Variants in LMX1B observed in about 807,000 individuals in gnomAD.
LMX1B encodes LIM homeobox transcription factor 1 beta, also known as LIM homeobox transcription factor 1-beta.
LMX1B carries 12 observed loss-of-function variants against 51.4 expected under a neutral mutation model. That is an observed-to-expected ratio of 0.23 (90% CI 0.15 to 0.38). The LOEUF (loss-of-function observed/expected upper bound fraction) is 0.38, where lower values mean the gene tolerates loss of function less well. Among genes scored for constraint, LMX1B ranks in the 10% least tolerant of loss-of-function variants. The pLI, the probability that LMX1B is intolerant of heterozygous loss-of-function variation, is 1.00. For missense variants in LMX1B, 445 were observed against 571.1 expected (o/e 0.78, Z 2.25); for synonymous variants, 237 against 235.4 (o/e 1.01, Z -0.06).
intron 2 of LMX1B, among the ~76,000 whole-genome samples, chr9:126,638,563 C>T (rs1835755588): frequency 2.6e-5 from 4 of 152,138 alleles, no homozygotes; most frequent in Admixed American, 2.0e-4. Flanking sequence ...GGGCTGACAG[C>T]GGAGCGAGTG....
intron 4 of LMX1B, 44 bp from the exon 5 acceptor site, chr9:126,693,480 G>A (rs1471994693): frequency 3.1e-6 from 5 of 1,602,614 alleles, no homozygotes; most frequent in Non-Finnish European, 4.3e-6. Context: ...TCTCCCCGTT[G>A]CTGCCCCTGG....
chr9:126,671,514 A>C lies in LMX1B; in HGVS notation c.327-19322A>C, dbSNP rs78119880. On this transcript the variant is annotated intron_variant, in intron 2 of 7. Transcript: ENST00000373474. The surrounding 1 kb of genome is among the most constrained non-coding windows in gnomAD (Gnocchi z 4.4). ...GCCGCAGTAATCGCAGGCTGATTCCAACTAATTAAATCCTGCGCCAAGAGC... is the reference window on the plus strand; with the variant it reads ...GCCGCAGTAATCGCAGGCTGATTCCCACTAATTAAATCCTGCGCCAAGAGC... 0.089 allele frequency among the ~76,000 whole-genome samples: 13,610 copies of C among 152,098 alleles called. 759 individuals carry two copies. The highest frequency in any genetic ancestry group is 0.18 in the South Asian group (849 of 4,818).
chr9:126,639,704 G>A (rs921827639), intron 2 of LMX1B, among the ~76,000 whole-genome samples: 1 of 152,244 alleles, frequency 6.6e-6, no homozygotes, highest in South Asian at 2.1e-4. Context: ...GGGGAGGGGG[G>A]CAGAGGAGGG....
chr9:126,617,905 T>TGGGGGTGGGGGGTG (rs201293683), intron 2 of LMX1B, among the ~76,000 whole-genome samples: 10 of 82,266 alleles, frequency 1.2e-4, no homozygotes, highest in East Asian at 4.4e-4. Flanking sequence ...CAGGATGTGC[T>TGGGGGTGGGGGGTG]GGGGGTGGGG....
At chr9:126,617,665 A>C (rs1030458228) in intron 2 of LMX1B, among the ~76,000 whole-genome samples, 7 of 152,040 alleles carry the variant, frequency 4.6e-5, no homozygotes, top group Non-Finnish European at 1.0e-4. Context: ...TTTTAAAAAG[A>C]AAAGGAAAGA....
At chr9:126,684,667 G>A (rs1836740233) in intron 2 of LMX1B, among the ~76,000 whole-genome samples, 1 of 152,162 alleles carries the variant, frequency 6.6e-6, no homozygotes, top group African/African-American at 2.4e-5. Context: ...CAGAGGGTCT[G>A]GTTGGCTCCC....
chr9:126,696,472 C>T lies in LMX1B; in HGVS notation c.*21C>T, dbSNP rs369706326. 4.8e-5 allele frequency: 78 copies of T among 1,613,502 alleles called. No homozygotes were observed. Among genetic ancestry groups the T allele is most frequent in the African/African-American group, 3.6e-4 (27 of 75,044 alleles). ...CCTGAGAGCCAGCCAGGCGCACGGA[C>T]GCTTGGGCAGGGGCCTGGGGGGGAC... On this transcript the variant is annotated 3_prime_UTR_variant, in exon 8 of 8. Coordinates refer to ENST00000373474, the MANE Select transcript of LMX1B (RefSeq NM_001174147.2).
intron 2 of LMX1B, among the ~76,000 whole-genome samples, chr9:126,633,707 G>A (rs942315225): frequency 2.6e-5 from 4 of 152,214 alleles, no homozygotes; most frequent in African/African-American, 9.6e-5. Flanking sequence ...ACCCACTCCT[G>A]ACATGGTTAT....
At chr9:126,657,799 G>A (rs1456963091) in intron 2 of LMX1B, among the ~76,000 whole-genome samples, 1 of 152,210 alleles carries the variant, frequency 6.6e-6, no homozygotes, top group Non-Finnish European at 1.5e-5. Context: ...GAACCGCAGG[G>A]AGCTCCCAGT....
chr9:126,646,148 C>T (rs773202672), intron 2 of LMX1B, among the ~76,000 whole-genome samples: 3 of 152,176 alleles, frequency 2.0e-5, no homozygotes, highest in African/African-American at 7.2e-5. Context: ...AAACTCTGTT[C>T]CTCCTCTCAG....
At chr9:126,659,983 G>A (rs10987389) in intron 2 of LMX1B, among the ~76,000 whole-genome samples, 2,189 of 78,970 alleles carry the variant, frequency 0.028, 128 homozygotes, top group Non-Finnish European at 0.032. Context: ...TTCAAAGGTT[G>A]TCCTGTGTGT....
At chr9:126,660,144 C>G in intron 2 of LMX1B, among the ~76,000 whole-genome samples, 1 of 149,680 alleles carries the variant, frequency 6.7e-6, no homozygotes, top group Non-Finnish European at 1.5e-5. Flanking sequence ...GTGGGGATGT[C>G]TACACTGGCC....
intron 2 of LMX1B, among the ~76,000 whole-genome samples, chr9:126,656,046 G>A (rs1043492521): frequency 3.3e-5 from 5 of 152,206 alleles, no homozygotes; most frequent in African/African-American, 1.2e-4. Flanking sequence ...TGAAGTAGAG[G>A]ATTAAATTGA....
rs1835540765 is a variant in LMX1B at position 126,626,745 on chromosome 9, A to C, written c.326+11176A>C. Among the ~76,000 whole-genome samples the C allele has an allele frequency of 6.6e-6, 1 of 152,230 alleles. No individual in the cohort carries two copies. The highest frequency in any genetic ancestry group is 1.5e-5 in the Non-Finnish European group (1 of 68,044). ...AGGAGCAAGGAGGCGGCGGCGGAGC[A>C]AACTCTGCGGATTAGGTTTCAGCGC... On this transcript the variant is annotated intron_variant, in intron 2 of 7. Coordinates refer to ENST00000373474, the MANE Select transcript of LMX1B (RefSeq NM_001174147.2). The surrounding 1 kb of genome is among the most constrained non-coding windows in gnomAD (Gnocchi z 4.3).
Position 126,633,074 on chromosome 9 carries a change from A to G in LMX1B, c.326+17505A>G, listed in dbSNP as rs545639378. The stretch of plus-strand genomic sequence containing the variant: ...CAGGAGGCGTCCCCTGGCCTCCATC[A>G]TCCTTTCTTCTTCTGGAAAACTCTC... On this transcript the variant is annotated intron_variant, in intron 2 of 7. Transcript: ENST00000373474. Among the ~76,000 whole-genome samples, 3 of 152,222 alleles carry G rather than the reference A, an allele frequency of 2.0e-5. No homozygotes were observed. The East Asian group carries it at 5.8e-4, about 30-fold the overall frequency.
At position 126,696,358 on chromosome 9, in the gene LMX1B, C is replaced by T. The variant is rs750636039; in HGVS notation, c.1116C>T (p.Phe372=). The change falls in exon 8 of 8, where the codon TTC becomes TTT. Residue 372 remains phenylalanine (F), a synonymous_variant. Transcript: ENST00000373474. ...DTSLTSLSDC[F]LGSSDVGSLQ... ...CCTTAACCAGCCTCAGCGACTGCTT[C>T]CTCGGCTCCTCAGACGTGGGCTCCC... 72 of 1,614,034 alleles carry T rather than the reference C, an allele frequency of 4.5e-5. No homozygotes were observed. Among genetic ancestry groups the T allele is most frequent in the Middle Eastern group, 3.3e-4 (2 of 6,082 alleles).
intron 2 of LMX1B, among the ~76,000 whole-genome samples, chr9:126,667,553 A>G (rs1836366456): frequency 6.6e-6 from 1 of 152,210 alleles, no homozygotes; most frequent in African/African-American, 2.4e-5. Flanking sequence ...AGGCCAGTAA[A>G]GGGGTCTGGA....
rs1330343311 is a variant in LMX1B at position 126,625,045 on chromosome 9, G to A, written c.326+9476G>A. 2.0e-5 allele frequency among the ~76,000 whole-genome samples: 3 copies of A among 152,222 alleles called. No homozygotes were observed. Among genetic ancestry groups the A allele is most frequent in the African/African-American group, 7.2e-5 (3 of 41,456 alleles). ...CTGTCGTTTAATCAGAGGCTGTGCCGCTCAAACCGCGGGGCCCTTTGTCCC... is the reference window on the plus strand; with the variant it reads ...CTGTCGTTTAATCAGAGGCTGTGCCACTCAAACCGCGGGGCCCTTTGTCCC... On this transcript the variant is annotated intron_variant, in intron 2 of 7. Coordinates refer to ENST00000373474, the MANE Select transcript of LMX1B (RefSeq NM_001174147.2). The surrounding 1 kb of genome is among the most constrained non-coding windows in gnomAD (Gnocchi z 5.3).
chr9:126,679,836 G>A (rs1836640394), intron 2 of LMX1B, among the ~76,000 whole-genome samples: 1 of 152,128 alleles, frequency 6.6e-6, no homozygotes, highest in South Asian at 2.1e-4. Flanking sequence ...GCCTGACTCT[G>A]GCCTCAGACA....
Sources: allele counts gnomAD v4.1 joint callset (sites outside exome capture counted in the v4.1 genomes callset), GRCh38; gene constraint gnomAD v4.1.1; non-coding constraint Gnocchi (gnomAD v3.1); transcripts MANE v1.5; gene names NCBI Gene and HGNC (gene_info 2026-07-23, HGNC 2026-07-21).